Variants in RABL6 observed in about 807,000 individuals in gnomAD.
The protein encoded by RABL6 is rab-like protein 6.
In RABL6, 28 loss-of-function variants were observed where a neutral mutation model predicts 72.9. That is an observed-to-expected ratio of 0.38 (90% CI 0.28 to 0.53). The LOEUF is 0.53. Among genes scored for constraint, RABL6 ranks in the 20% least tolerant of loss-of-function variants. RABL6 has a pLI of 0.80. For missense variants in RABL6, 1,029 were observed against 1,008.4 expected, an observed-to-expected ratio of 1.02 and a Z score of -0.28; for synonymous variants, 477 against 421.2, an observed-to-expected ratio of 1.13 and a Z score of -1.62.
chr9:136,834,063 T>C, intron 7 of RABL6: 1 of 1,438,290 alleles, frequency 7.0e-7, no homozygotes, highest in Non-Finnish European at 9.2e-7. Context: ...TGACTATCCT[T>C]TTGCTATGGA....
intron 14 of RABL6, 41 bp downstream of exon 14, chr9:136,840,253 G>A: frequency 3.1e-6 from 5 of 1,612,532 alleles, no homozygotes; most frequent in East Asian, 2.2e-5. Flanking sequence ...GGACTGGGTG[G>A]CATGCGGTCC....
At position 136,837,844 on chromosome 9, in the gene RABL6, C is replaced by T. The variant is rs748430256; in HGVS notation, c.1127-18C>T. On this transcript the variant is annotated intron_variant, in intron 9 of 14. Transcript: ENST00000311502. The stretch of plus-strand genomic sequence containing the variant: ...GTTCTGGTGCCGAGTGAAGAGGACC[C>T]GGCATCACTGTTCACAGAGCCAGTC... 43 of 1,547,344 alleles carry T rather than the reference C, an allele frequency of 2.8e-5. No individual in the cohort carries two copies. The highest frequency in any genetic ancestry group is 8.3e-5 in the South Asian group (7 of 83,936).
Position 136,829,450 on chromosome 9 carries a change from G to C in RABL6, c.424G>C (p.Gly142Arg). 6.3e-7 allele frequency: 1 copy of C among 1,588,444 alleles called. No homozygotes were observed. The highest frequency in any genetic ancestry group is 8.6e-7 in the Non-Finnish European group (1 of 1,167,776). Reference protein sequence around the residue: ...EFLDVYKNCNGVVMMFDITKQ... With the variant: ...EFLDVYKNCNRVVMMFDITKQ... Reference sequence around the variant, plus strand: ...CCTGGACGTGTACAAGAACTGCAACGGGGTGGTCATGATGTTCGACATTAC... The same window carrying C: ...CCTGGACGTGTACAAGAACTGCAACCGGGTGGTCATGATGTTCGACATTAC... The change falls in exon 5 of 15, where the codon GGG (glycine) becomes CGG (arginine). Residue 142 changes from glycine (G) to arginine (R), a missense_variant. Physicochemically the swap from Gly to Arg is moderately radical, Grantham distance 125 (BLOSUM62 -2). Transcript: ENST00000311502.
intron 1 of RABL6, chr9:136,813,401 A>T: frequency 2.2e-6 from 2 of 927,758 alleles, no homozygotes; most frequent in Non-Finnish European, 3.3e-6. Context: ...TGCTTAAACC[A>T]GAGTTTTTGA....
intron 8 of RABL6, 68 bp from the exon 9 acceptor site, chr9:136,837,278 C>G (rs566216442): frequency 6.7e-7 from 1 of 1,492,272 alleles, no homozygotes; most frequent in African/African-American, 1.4e-5. Context: ...GCAGAGAGCC[C>G]CCTGTCACCT....
chr9:136,817,994 A>C (rs926421998), intron 1 of RABL6, among the ~76,000 whole-genome samples: 1 of 149,466 alleles, frequency 6.7e-6, no homozygotes, highest in Non-Finnish European at 1.5e-5. Flanking sequence ...CCCGGGAGGC[A>C]CAAGTTGGAA....
In RABL6 at chr9:136,837,986, G is replaced by A. The variant is rs1156281040; in HGVS notation, c.1251G>A (p.Gly417=). The change falls in exon 10 of 15, where the codon GGG becomes GGA. Residue 417 remains glycine (G), a synonymous_variant. Coordinates refer to ENST00000311502, the MANE Select transcript of RABL6 (RefSeq NM_024718.5). ...TTPARDEKKV[G]AKAAQQDSDS... is the part of the protein sequence containing the mutation. ...CCGCCAGGGACGAGAAGAAGGTGGG[G>A]GCCAAGGCTGCCCAGCAGGACAGCG... The A allele has an allele frequency of 2.5e-6, 4 of 1,568,830 alleles. No individual in the cohort carries two copies. The highest frequency in any genetic ancestry group is 2.4e-5 in the East Asian group (1 of 42,248).
chr9:136,839,757 C>T lies in RABL6; in HGVS notation c.1822C>T (p.Pro608Ser). The T allele has an allele frequency of 5.0e-6, 8 of 1,611,662 alleles. No individual in the cohort carries two copies. The highest frequency in any genetic ancestry group is 6.8e-6 in the Non-Finnish European group (8 of 1,179,170). Residue 608 changes from proline to serine, a missense_variant, in exon 13 of 15, where the codon CCG becomes TCG. Pro to Ser is a moderately conservative substitution (Grantham distance 74, BLOSUM62 -1). Around this residue, in one of 2 missense-constraint regions of RABL6, gnomAD observed 595 missense variants for 472.4 expected, o/e 1.26. Transcript: ENST00000311502. ...TGACGAGGATGAGGGCCCTGCCGAG[C>T]CGCCCCCACCCCCCAAGCTCCCTCT... is the stretch of plus-strand genomic sequence containing the variant. Reference protein sequence around the residue: ...VTDEDEGPAEPPPPPKLPLPA... With the variant: ...VTDEDEGPAESPPPPKLPLPA...
rs888670342 is a variant in RABL6 at position 136,841,068 on chromosome 9, G to T, written c.*546G>T. On this transcript the variant is annotated 3_prime_UTR_variant, in exon 15 of 15. Transcript: ENST00000311502. ...TGTGAGGCCTCTCCTGGGAGTGGGG[G>T]TTGTGTTTCCCACAGTGGCCTCAGC... The T allele has an allele frequency of 7.1e-7, 1 of 1,412,700 alleles. No homozygotes were observed. The highest frequency in any genetic ancestry group is 9.2e-7 in the Non-Finnish European group (1 of 1,084,740). 87.5% of individuals were successfully genotyped at this position (1,412,700 alleles called of 1,614,324 possible).
At position 136,840,478 on chromosome 9, in the gene RABL6, CCGGGCGGCCGCCACCCTG is replaced by C. The variant is rs1472983746; in HGVS notation, c.2147_2164del (p.Pro716_Gly722delinsArg). On this transcript the variant is annotated inframe_deletion, in exon 15 of 15. Coordinates refer to ENST00000311502, the MANE Select transcript of RABL6 (RefSeq NM_024718.5). ...GGAGGCTTTCCTGGGGGGCGGGGCC[CCGGGCGGCCGCCACCCTG>C]GGGGTGGCGACTACGAGGAGCTCTA... is the stretch of plus-strand genomic sequence containing the variant. The C allele has an allele frequency of 2.0e-6, 3 of 1,527,292 alleles. No individual in the cohort carries two copies. Among genetic ancestry groups the C allele is most frequent in the Admixed American group, 2.2e-5 (1 of 45,366 alleles). The allele number at this position is 1,527,292 out of a possible 1,614,324, so 94.6% of individuals were successfully genotyped here.
chr9:136,812,930 C>G (rs562318151), intron 1 of RABL6: 2 of 341,764 alleles, frequency 5.9e-6, no homozygotes, highest in Non-Finnish European at 1.2e-5. Context: ...AAGCCACCTT[C>G]GCCCTTAGGT....
At chr9:136,829,539 T>C (rs1848428382) in intron 5 of RABL6, 55 bp downstream of exon 5, 1 of 1,456,358 alleles carries the variant, frequency 6.9e-7, no homozygotes, top group Admixed American at 2.0e-5. Flanking sequence ...CCTAGCCCCT[T>C]GGGCGCCCTC....
intron 1 of RABL6, chr9:136,812,815 G>A (rs878918813): frequency 2.9e-6 from 1 of 344,338 alleles, no homozygotes; most frequent in Non-Finnish European, 5.7e-6. Flanking sequence ...CTTGTGGCTT[G>A]TGGTCACCTC....
At chr9:136,825,730 C>T (rs564492743) in intron 2 of RABL6, 49 bp from the exon 3 acceptor site, 2 of 1,591,768 alleles carry the variant, frequency 1.3e-6, no homozygotes, top group South Asian at 1.1e-5. Context: ...TTTGTGCCAC[C>T]TTGGGAACTT....
intron 5 of RABL6, among the ~76,000 whole-genome samples, chr9:136,830,026 G>A (rs370549513): frequency 5.3e-5 from 8 of 152,272 alleles, no homozygotes; most frequent in East Asian, 3.9e-4. Context: ...GAGCCCCAGC[G>A]GGGGGGTGCT....
chr9:136,819,819 T>C (rs1044254342), intron 1 of RABL6, among the ~76,000 whole-genome samples: 1 of 152,094 alleles, frequency 6.6e-6, no homozygotes, highest in Non-Finnish European at 1.5e-5. Flanking sequence ...TCCCAGCACT[T>C]TGGGAGGCCA....
intron 1 of RABL6, chr9:136,814,193 T>G (rs751851136): frequency 1.1e-5 from 3 of 265,666 alleles, no homozygotes; most frequent in Admixed American, 5.0e-5. Flanking sequence ...CTAGTTTTTG[T>G]TTTTCTTTCT....
chr9:136,839,444 C>G lies in RABL6; in HGVS notation c.1716C>G (p.Asp572Glu). The change falls in exon 12 of 15, where the codon GAC becomes GAG. Residue 572 changes from aspartate (D) to glutamate (E), a missense_variant. Coordinates refer to ENST00000311502, the MANE Select transcript of RABL6 (RefSeq NM_024718.5). ...AAQMLSFVMDDPDFESEGSDT... is the reference protein window; with the variant it reads ...AAQMLSFVMDEPDFESEGSDT... ...AAATGCTGTCCTTCGTCATGGATGA[C>G]CCCGACTTTGAGAGCGAGGGATCAG... 6.2e-7 allele frequency: 1 copy of G among 1,612,560 alleles called. No individual in the cohort carries two copies. The highest frequency in any genetic ancestry group is 8.5e-7 in the Non-Finnish European group (1 of 1,179,726).
chr9:136,835,796 C>G lies in RABL6; in HGVS notation c.760C>G (p.Leu254Val), dbSNP rs750817298. Reference sequence around the variant, plus strand: ...GAACCAGCTGGACATGGACGCCACGCTGGAGGAGCTGTCGGTGCAGCAGGA... The same window carrying G: ...GAACCAGCTGGACATGGACGCCACGGTGGAGGAGCTGTCGGTGCAGCAGGA... ...ETNQLDMDAT[L>V]EELSVQQETE... The change falls in exon 8 of 15, where the codon CTG becomes GTG. Residue 254 changes from leucine to valine, a missense_variant. Physicochemically the swap from Leu to Val is conservative, Grantham distance 32. Coordinates refer to ENST00000311502, the MANE Select transcript of RABL6 (RefSeq NM_024718.5). The G allele has an allele frequency of 1.4e-5, 21 of 1,554,840 alleles. No individual in the cohort carries two copies. Among genetic ancestry groups the G allele is most frequent in the Non-Finnish European group, 1.7e-6 (2 of 1,150,354 alleles).
Sources: allele counts gnomAD v4.1 joint callset (sites outside exome capture counted in the v4.1 genomes callset), GRCh38; gene constraint gnomAD v4.1.1; regional missense constraint gnomAD v4.1.1; transcripts MANE v1.5; gene names NCBI Gene and HGNC (gene_info 2026-07-23, HGNC 2026-07-21).